Variants in UBR2 observed in about 807,000 individuals in gnomAD.
The protein encoded by UBR2 is E3 ubiquitin-protein ligase UBR2.
UBR2 carries 92 observed loss-of-function variants against 247.9 expected under a neutral mutation model. That is an observed-to-expected ratio of 0.37 (90% CI 0.31 to 0.44). The LOEUF (loss-of-function observed/expected upper bound fraction) is 0.44. UBR2 is among the 20% of genes least tolerant of loss of function. The pLI is 1.00. For synonymous variants in UBR2, 672 were observed against 693.5 expected (o/e 0.97, Z 0.49); for missense variants, 1,613 against 2,112.6 (o/e 0.76, Z 4.64).
At chr6:42,592,756 C>T (rs570628411) in intron 3 of UBR2, among the ~76,000 whole-genome samples, 1 of 152,266 alleles carries the variant, frequency 6.6e-6, no homozygotes, top group Admixed American at 6.5e-5. Context: ...TCACCCTAAT[C>T]ATAAAACAGA....
chr6:42,637,230 A>T (rs755256598), intron 15 of UBR2, 36 bp downstream of exon 15: 1 of 1,581,720 alleles, frequency 6.3e-7, no homozygotes, highest in Non-Finnish European at 8.6e-7. Context: ...CCCTAAAATT[A>T]TCTTTTAAAT....
At chr6:42,645,647 C>G (rs1796708869) in intron 21 of UBR2, 57 bp downstream of exon 21, 4 of 1,555,470 alleles carry the variant, frequency 2.6e-6, no homozygotes, top group Middle Eastern at 1.7e-4. Context: ...GCCTATCAGT[C>G]TAGTATCTAT....
In UBR2 at chr6:42,564,066, G is replaced by T; in HGVS notation, c.-254G>T. 2 of 521,702 alleles carry T rather than the reference G, an allele frequency of 3.8e-6. No homozygotes were observed. Among genetic ancestry groups the T allele is most frequent in the Admixed American group, 7.7e-5 (2 of 25,916 alleles). The allele number at this position is 521,702 out of a possible 1,614,324, so 32.3% of individuals were successfully genotyped here. Reference sequence around the variant, plus strand: ...GAGAGTGTCAGGCCTGGGGTTTTCTGTGTCCTTCCCTGGGTCAGGGACGAG... The same window carrying T: ...GAGAGTGTCAGGCCTGGGGTTTTCTTTGTCCTTCCCTGGGTCAGGGACGAG... On this transcript the variant is annotated 5_prime_UTR_variant, in exon 1 of 47. Transcript: ENST00000372901.
In UBR2 at chr6:42,599,384, A is replaced by C. The variant is rs189009264; in HGVS notation, c.532-4204A>C. 2.0e-5 allele frequency among the ~76,000 whole-genome samples: 3 copies of C among 152,200 alleles called. No individual in the cohort carries two copies. The East Asian group carries it at 5.8e-4, about 29-fold the overall frequency. ...GAGTTTGAGGTTACAGTGAGGTATGAGCCTGGATGAGAGAGACCCTCTTAA... is the reference window on the plus strand; with the variant it reads ...GAGTTTGAGGTTACAGTGAGGTATGCGCCTGGATGAGAGAGACCCTCTTAA... On this transcript the variant is annotated intron_variant, in intron 4 of 46. Transcript: ENST00000372901.
intron 15 of UBR2, among the ~76,000 whole-genome samples, chr6:42,638,167 A>G (rs1441560435): frequency 6.6e-6 from 1 of 152,092 alleles, no homozygotes; most frequent in African/African-American, 2.4e-5. Context: ...AATTGACTCA[A>G]TTTCTTTAAT....
intron 24 of UBR2, 126 bp downstream of exon 24, chr6:42,652,197 C>A: frequency 1.1e-6 from 1 of 931,560 alleles, no homozygotes; most frequent in Non-Finnish European, 1.6e-6. Flanking sequence ...TAGTGAATAA[C>A]CTCCTATTCA....
intron 1 of UBR2, among the ~76,000 whole-genome samples, chr6:42,570,224 T>C (rs1582411979): frequency 6.6e-6 from 1 of 152,230 alleles, no homozygotes; most frequent in East Asian, 1.9e-4. Flanking sequence ...GATTTTTTCA[T>C]ATAATGGTAG....
intron 8 of UBR2, 46 bp from the exon 9 acceptor site, chr6:42,615,025 A>T: frequency 6.7e-7 from 1 of 1,501,878 alleles, no homozygotes; most frequent in Admixed American, 1.8e-5. Flanking sequence ...TCACTATTTT[A>T]ATATTTGAAG....
At chr6:42,612,111 TG>T in intron 7 of UBR2, 59 bp from the exon 8 acceptor site, 2 of 1,419,100 alleles carry the variant, frequency 1.4e-6, no homozygotes, top group Non-Finnish European at 1.9e-6. Context: ...ATAATAACTT[TG>T]TTCTGCCAAT....
rs80139704 is a variant in UBR2 at position 42,606,541 on chromosome 6, A to G, written c.802-48A>G. The G allele has an allele frequency of 1.1e-3, 1,641 of 1,497,800 alleles. 17 individuals carry two copies. The African/African-American group carries it at 0.019, about 17-fold the overall frequency. 92.8% of individuals were successfully genotyped at this position (1,497,800 alleles called of 1,614,324 possible). On this transcript the variant is annotated intron_variant, in intron 6 of 46. Coordinates refer to ENST00000372901, the MANE Select transcript of UBR2 (RefSeq NM_001363705.2). ...TTTGTTTACTGGTTTAAAAGTTATTAATATTGAATACAATACTTTTACAGC... is the reference window on the plus strand; with the variant it reads ...TTTGTTTACTGGTTTAAAAGTTATTGATATTGAATACAATACTTTTACAGC...
intron 7 of UBR2, among the ~76,000 whole-genome samples, chr6:42,609,895 CAAA>C (rs111670532): frequency 1.5e-5 from 1 of 64,708 alleles, no homozygotes. Flanking sequence ...AACCCTGTTA[CAAA>C]AAAAAAAAAA....
intron 2 of UBR2, among the ~76,000 whole-genome samples, chr6:42,591,839 C>T (rs896724204): frequency 1.4e-4 from 21 of 152,074 alleles, no homozygotes; most frequent in African/African-American, 4.6e-4. Flanking sequence ...TCATATACAT[C>T]TATGTGTTTT....
chr6:42,625,536 A>G lies in UBR2; in HGVS notation c.1282-7016A>G, dbSNP rs546654023. On this transcript the variant is annotated intron_variant, in intron 11 of 46. Coordinates refer to ENST00000372901, the MANE Select transcript of UBR2 (RefSeq NM_001363705.2). ...ATGATTTCAGCTCACTGCAATCTCT[A>G]CCTCCCAGGTTCAAGCAATTCTGGT... Among the ~76,000 whole-genome samples, 145 of 151,914 alleles carry G rather than the reference A, an allele frequency of 9.5e-4. 1 individual carries two copies. Among genetic ancestry groups the G allele is most frequent in the African/African-American group, 3.3e-3 (135 of 41,422 alleles).
At chr6:42,675,368 G>A (rs1159823170) in intron 38 of UBR2, among the ~76,000 whole-genome samples, 1 of 151,954 alleles carries the variant, frequency 6.6e-6, no homozygotes, top group Non-Finnish European at 1.5e-5. Context: ...ATTAATTTGT[G>A]TAAAACAGCT....
At chr6:42,625,791 T>A (rs1795301291) in intron 11 of UBR2, among the ~76,000 whole-genome samples, 1 of 151,784 alleles carries the variant, frequency 6.6e-6, no homozygotes, top group Non-Finnish European at 1.5e-5. Flanking sequence ...GAACCAACCT[T>A]TAGTTGCGTT....
chr6:42,640,090 T>C, intron 15 of UBR2, 119 bp from the exon 16 acceptor site: 1 of 737,002 alleles, frequency 1.4e-6, no homozygotes, highest in Non-Finnish European at 2.2e-6. Context: ...TAATTGGTAA[T>C]TTGATAGGTT....
At chr6:42,683,901 A>G (rs1048254059) in intron 43 of UBR2, among the ~76,000 whole-genome samples, 7 of 152,250 alleles carry the variant, frequency 4.6e-5, no homozygotes, top group African/African-American at 1.4e-4. Flanking sequence ...ATCTCAGATA[A>G]GGGATACTCA....
intron 46 of UBR2, among the ~76,000 whole-genome samples, chr6:42,690,409 T>G (rs1799689222): frequency 2.0e-5 from 3 of 152,138 alleles, no homozygotes; most frequent in African/African-American, 7.2e-5. Context: ...AGAGTCTGAT[T>G]AGTGAGTGAG....
In UBR2 at chr6:42,564,625, C is replaced by T. The variant is rs372241645; in HGVS notation, c.78+228C>T. ...TGTGCACTAACTACGTTTACTTTCCCTTTCTGCCCAGGAGAACCCACGGCT... is the reference window on the plus strand; with the variant it reads ...TGTGCACTAACTACGTTTACTTTCCTTTTCTGCCCAGGAGAACCCACGGCT... On this transcript the variant is annotated intron_variant, in intron 1 of 46. Transcript: ENST00000372901. 1.7e-4 allele frequency among the ~76,000 whole-genome samples: 26 copies of T among 152,380 alleles called. No individual in the cohort carries two copies. The South Asian group carries it at 3.7e-3, about 22-fold the overall frequency.
Sources: gnomAD v4.1 joint callset for allele counts (sites outside exome capture counted in the v4.1 genomes callset) on GRCh38, gnomAD v4.1.1 for gene constraint, MANE v1.5 for transcripts, NCBI Gene and HGNC (gene_info 2026-07-23, HGNC 2026-07-21) for gene names.